The following SPDYA variants were observed in gnomAD, a reference collection of about 807,000 sequenced individuals.
SPDYA encodes speedy/RINGO cell cycle regulator family member A.
A neutral mutation model predicts 36.7 loss-of-function variants in SPDYA; 11 were observed. The ratio of observed to expected loss-of-function variants is 0.30; its 90% CI spans 0.19 to 0.50. SPDYA has a LOEUF of 0.50. Ranked by LOEUF, SPDYA falls within the 20% of genes least tolerant of loss-of-function variation. The pLI is 0.98. For missense variants in SPDYA, 287 were observed against 370.9 expected (o/e 0.77, Z 1.86); for synonymous variants, 115 against 118.7 (o/e 0.97, Z 0.20).
At chr2:28,840,820 C>A (rs1183810908) in intron 7 of SPDYA, 1 of 969,790 alleles carries the variant, frequency 1.0e-6, no homozygotes, top group Non-Finnish European at 1.2e-6. Flanking sequence ...CTATTGGTTT[C>A]CTTCTGTATA....
rs1667822658 is a variant in SPDYA at position 28,810,899 on chromosome 2, T to A, written c.-141T>A. 1 of 152,198 alleles carries A rather than the reference T, an allele frequency of 6.6e-6. No homozygotes were observed. Among genetic ancestry groups the A allele is most frequent in the South Asian group, 2.1e-4 (1 of 4,838 alleles). The allele number at this position is 152,198 out of a possible 1,614,324, so 9.4% of individuals were successfully genotyped here. ...AGGCCAGGAGCGCTGCGACGGAGCCTTGACCGCCGTTGCCCGGCCCTCTCC... is the reference window on the plus strand; with the variant it reads ...AGGCCAGGAGCGCTGCGACGGAGCCATGACCGCCGTTGCCCGGCCCTCTCC... On this transcript the variant is annotated 5_prime_UTR_variant, in exon 1 of 8. The change creates a new upstream start codon in the 5' untranslated region. Transcript: ENST00000334056.
intron 7 of SPDYA, among the ~76,000 whole-genome samples, chr2:28,844,675 T>C (rs920056917): frequency 5.3e-5 from 8 of 152,182 alleles, no homozygotes; most frequent in Non-Finnish European, 1.2e-4. Flanking sequence ...GGCTCACATC[T>C]GTAATCCCAA....
chr2:28,836,483 TAAGA>T (rs1357229142), intron 6 of SPDYA, among the ~76,000 whole-genome samples: 1 of 152,188 alleles, frequency 6.6e-6, no homozygotes, highest in African/African-American at 2.4e-5. Flanking sequence ...ACCACTGACA[TAAGA>T]AAGAACATGT....
At chr2:28,844,593 G>A (rs890316959) in intron 7 of SPDYA, among the ~76,000 whole-genome samples, 8 of 152,148 alleles carry the variant, frequency 5.3e-5, no homozygotes, top group Admixed American at 1.3e-4. Flanking sequence ...GGTAGGCTAG[G>A]CTAAGCTGTG....
At chr2:28,829,420 T>G in intron 6 of SPDYA, 101 bp downstream of exon 6, 2 of 1,163,986 alleles carry the variant, frequency 1.7e-6, no homozygotes, top group Non-Finnish European at 1.2e-6. Flanking sequence ...ATTCTGGGTT[T>G]TTTTTTTTTT....
At chr2:28,841,389 A>G (rs974927216) in intron 7 of SPDYA, among the ~76,000 whole-genome samples, 1 of 152,104 alleles carries the variant, frequency 6.6e-6, no homozygotes, top group African/African-American at 2.4e-5. Context: ...TTTCACTCAA[A>G]TTATTTTTAT....
chr2:28,849,054 A>AC (rs1485820398), intron 7 of SPDYA, among the ~76,000 whole-genome samples: 21 of 151,998 alleles, frequency 1.4e-4, no homozygotes, highest in African/African-American at 3.4e-4. Context: ...CAAAAAAAAA[A>AC]ACACACACAC....
chr2:28,819,015 T>A, intron 3 of SPDYA, 33 bp from the exon 4 acceptor site: 1 of 1,541,810 alleles, frequency 6.5e-7, no homozygotes, highest in Non-Finnish European at 8.9e-7. Context: ...ATTCTGTTTT[T>A]AAAAGACAAG....
chr2:28,837,477 T>C (rs1668632532), intron 6 of SPDYA, among the ~76,000 whole-genome samples: 1 of 152,200 alleles, frequency 6.6e-6, no homozygotes, highest in South Asian at 2.1e-4. Flanking sequence ...TCAACAGGTA[T>C]GGTAAAAGTC....
At chr2:28,820,573 G>A (rs572826287) in intron 4 of SPDYA, among the ~76,000 whole-genome samples, 45 of 152,152 alleles carry the variant, frequency 3.0e-4, no homozygotes, top group African/African-American at 1.1e-3. Context: ...GCGACAGATC[G>A]AGACTCTGTC....
chr2:28,826,954 T>C (rs530207990), intron 5 of SPDYA, among the ~76,000 whole-genome samples: 29 of 147,312 alleles, frequency 2.0e-4, no homozygotes, highest in Middle Eastern at 3.5e-3. Context: ...TCTTTCTTTT[T>C]TTTTTTTTTT....
At chr2:28,847,282 G>A (rs1572520266) in intron 7 of SPDYA, among the ~76,000 whole-genome samples, 1 of 152,196 alleles carries the variant, frequency 6.6e-6, no homozygotes, top group East Asian at 1.9e-4. Flanking sequence ...GGTGGAGGTT[G>A]CAGTGAGCCA....
intron 6 of SPDYA, among the ~76,000 whole-genome samples, chr2:28,831,771 C>T (rs538197698): frequency 1.3e-5 from 2 of 152,318 alleles, no homozygotes; most frequent in East Asian, 1.9e-4. Context: ...GTAGAACAGA[C>T]TGTCCACGTG....
intron 3 of SPDYA, among the ~76,000 whole-genome samples, chr2:28,818,288 G>T (rs1668039248): frequency 3.3e-5 from 5 of 152,046 alleles, no homozygotes; most frequent in Admixed American, 3.3e-4. Context: ...ATATAAAGAA[G>T]TTATGCCTTT....
At chr2:28,817,748 G>T (rs1668023183) in intron 3 of SPDYA, among the ~76,000 whole-genome samples, 1 of 149,726 alleles carries the variant, frequency 6.7e-6, no homozygotes, top group South Asian at 2.1e-4. Flanking sequence ...CTACTTGGGA[G>T]GCGGAGGCAG....
chr2:28,812,204 G>A lies in SPDYA; in HGVS notation c.-93+1257G>A, dbSNP rs1197728678. 2.0e-5 allele frequency among the ~76,000 whole-genome samples: 3 copies of A among 152,112 alleles called. No individual in the cohort carries two copies. The East Asian group carries it at 5.8e-4, about 29-fold the overall frequency. ...CAGAGATGTTTTGAGAATTAAATGA[G>A]ATAATGCATGTAACACATTCATCAG... On this transcript the variant is annotated intron_variant, in intron 1 of 7. Transcript: ENST00000334056.
At chr2:28,827,923 C>T (rs1668371440) in intron 5 of SPDYA, among the ~76,000 whole-genome samples, 1 of 152,108 alleles carries the variant, frequency 6.6e-6, no homozygotes, top group South Asian at 2.1e-4. Context: ...GTCTCCAATT[C>T]CGCCTGTTTC....
chr2:28,842,604 T>C (rs921024862), intron 7 of SPDYA, among the ~76,000 whole-genome samples: 2 of 152,194 alleles, frequency 1.3e-5, no homozygotes, highest in Non-Finnish European at 2.9e-5. Flanking sequence ...ATTTAGGATT[T>C]ATAGGTCCTA....
chr2:28,812,169 AC>A (rs1259878965), intron 1 of SPDYA, among the ~76,000 whole-genome samples: 1 of 152,204 alleles, frequency 6.6e-6, no homozygotes, highest in Non-Finnish European at 1.5e-5. Flanking sequence ...ATAAAATAAT[AC>A]CTACCACACA....
Sources: gnomAD v4.1 joint callset for allele counts (sites outside exome capture counted in the v4.1 genomes callset) on GRCh38, gnomAD v4.1.1 for gene constraint, MANE v1.5 for transcripts, NCBI Gene and HGNC (gene_info 2026-07-23, HGNC 2026-07-21) for gene names.